Variants in TYR observed in about 807,000 individuals in gnomAD.
TYR encodes the protein LB24-AB.
In TYR, 58 loss-of-function variants were observed where a neutral mutation model predicts 51.5. The observed-to-expected ratio is 1.13, with a 90% confidence interval of 0.91 to 1.40. The LOEUF (loss-of-function observed/expected upper bound fraction) is 1.40, where lower values mean the gene tolerates loss of function less well. Among genes scored for constraint, TYR ranks in the 40% most tolerant of loss-of-function variants. TYR has a pLI of 0.00. For synonymous variants in TYR, 263 were observed against 235.2 expected, an observed-to-expected ratio of 1.12 and a Z score of -1.08; for missense variants, 732 against 647.4, an observed-to-expected ratio of 1.13 and a Z score of -1.42.
At chr11:89,270,650 T>C (rs1223408431) in intron 3 of TYR, among the ~76,000 whole-genome samples, 1 of 151,840 alleles carries the variant, frequency 6.6e-6, no homozygotes, top group Non-Finnish European at 1.5e-5. Flanking sequence ...AAACACTAAA[T>C]TAGTGATTCA....
In TYR at chr11:89,210,647, C is replaced by A. The variant is rs530919157; in HGVS notation, c.1037-17176C>A. 1.3e-4 allele frequency among the ~76,000 whole-genome samples: 20 copies of A among 152,200 alleles called. 1 individual carries two copies. Among genetic ancestry groups the A allele is most frequent in the African/African-American group, 4.8e-4 (20 of 41,520 alleles). On this transcript the variant is annotated intron_variant, in intron 2 of 4. Transcript: ENST00000263321. ...TAAAGATACTCCTCGAGAAGAGCAA[C>A]CCCAAGACACATAATTGTCAGATTC... is the stretch of plus-strand genomic sequence containing the variant.
intron 3 of TYR, among the ~76,000 whole-genome samples, chr11:89,229,448 G>A (rs1944015681): frequency 6.6e-6 from 1 of 151,758 alleles, no homozygotes; most frequent in Non-Finnish European, 1.5e-5. Flanking sequence ...TAAATTTTTT[G>A]CCATTTTTAA....
intron 2 of TYR, among the ~76,000 whole-genome samples, chr11:89,220,272 A>G (rs1182259853): frequency 1.3e-5 from 2 of 152,316 alleles, no homozygotes. Context: ...CACGCACATT[A>G]TATCGCCAGA....
At chr11:89,244,479 T>C (rs1590874911) in intron 3 of TYR, among the ~76,000 whole-genome samples, 1 of 152,218 alleles carries the variant, frequency 6.6e-6, no homozygotes, top group East Asian at 1.9e-4. Context: ...CTCCTTTTGG[T>C]AATTCTCTGC....
intron 2 of TYR, among the ~76,000 whole-genome samples, chr11:89,208,039 C>CGGG (rs534229044): frequency 8.5e-5 from 13 of 152,082 alleles, no homozygotes; most frequent in African/African-American, 2.9e-4. Context: ...GAGGCCAAGG[C>CGGG]GGGGGGATCA....
At chr11:89,288,092 G>GTTA (rs1944813047) in intron 4 of TYR, among the ~76,000 whole-genome samples, 2 of 151,890 alleles carry the variant, frequency 1.3e-5, no homozygotes, top group Admixed American at 6.6e-5. Flanking sequence ...GTGAAATGAA[G>GTTA]TTATATGGGA....
At chr11:89,279,538 C>A (rs1051537224) in intron 3 of TYR, among the ~76,000 whole-genome samples, 3 of 151,638 alleles carry the variant, frequency 2.0e-5, no homozygotes, top group African/African-American at 2.4e-5. Flanking sequence ...ATAAAATAAA[C>A]AATTTTCCCT....
chr11:89,250,911 C>A (rs373596975), intron 3 of TYR, among the ~76,000 whole-genome samples: 1,586 of 151,816 alleles, frequency 0.01, 23 homozygotes, highest in African/African-American at 0.034. Context: ...ACAGACTTGA[C>A]GTTGAAAATG....
At chr11:89,224,493 A>G (rs974360606) in intron 2 of TYR, among the ~76,000 whole-genome samples, 6 of 152,196 alleles carry the variant, frequency 3.9e-5, no homozygotes, top group African/African-American at 7.2e-5. Context: ...TGGCATAGAT[A>G]CACTACTGCA....
chr11:89,191,488 A>C, intron 2 of TYR, 70 bp downstream of exon 2: 1 of 1,469,470 alleles, frequency 6.8e-7, no homozygotes. Context: ...CCAAAGTCCT[A>C]GGAGGTATTT....
At chr11:89,213,002 T>A (rs1250977826) in intron 2 of TYR, among the ~76,000 whole-genome samples, 1 of 152,152 alleles carries the variant, frequency 6.6e-6, no homozygotes, top group African/African-American at 2.4e-5. Context: ...GGGCAAAAAC[T>A]GGAAGCATTC....
intron 1 of TYR, among the ~76,000 whole-genome samples, chr11:89,186,490 C>T (rs941893025): frequency 6.6e-6 from 1 of 152,130 alleles, no homozygotes; most frequent in Non-Finnish European, 1.5e-5. Flanking sequence ...TCCACCTCCT[C>T]ACCCTCTGCC....
At position 89,191,533 on chromosome 11, in the gene TYR, T is replaced by A; in HGVS notation, c.1036+115T>A. The A allele has an allele frequency of 3.0e-6, 3 of 984,152 alleles. No individual in the cohort carries two copies. The South Asian group carries it at 4.2e-5, about 14-fold the overall frequency. 61.0% of individuals were successfully genotyped at this position (984,152 alleles called of 1,614,324 possible). On this transcript the variant is annotated intron_variant, in intron 2 of 4. Transcript: ENST00000263321. ...GAATTTTCTGAGTTGACCAAGAATATGTGTTGTATATACTTATATCGACAA... is the reference window on the plus strand; with the variant it reads ...GAATTTTCTGAGTTGACCAAGAATAAGTGTTGTATATACTTATATCGACAA...
intron 2 of TYR, chr11:89,192,167 A>T (rs779567900): frequency 5.2e-6 from 1 of 191,526 alleles, no homozygotes; most frequent in South Asian, 7.7e-5. Context: ...TTTATCCTAC[A>T]AATGTTTTCA....
At chr11:89,198,227 CA>C (rs142581241) in intron 2 of TYR, among the ~76,000 whole-genome samples, 3 of 149,302 alleles carry the variant, frequency 2.0e-5, no homozygotes, top group East Asian at 2.0e-4. Context: ...ACAACAACAA[CA>C]AAAAAAAAGG....
At chr11:89,232,085 AT>A (rs1944058164) in intron 3 of TYR, among the ~76,000 whole-genome samples, 1 of 143,486 alleles carries the variant, frequency 7.0e-6, no homozygotes, top group Admixed American at 6.9e-5. Context: ...AAGAAAGTAG[AT>A]TTTAACTGTT....
At chr11:89,219,482 A>G (rs935043510) in intron 2 of TYR, among the ~76,000 whole-genome samples, 1 of 151,908 alleles carries the variant, frequency 6.6e-6, no homozygotes, top group African/African-American at 2.4e-5. Context: ...TTTTTAGTAG[A>G]GACACCATGT....
At chr11:89,258,798 T>A (rs1279357235) in intron 3 of TYR, among the ~76,000 whole-genome samples, 1 of 152,098 alleles carries the variant, frequency 6.6e-6, no homozygotes. Context: ...ATTCCCACTA[T>A]ACAGGGTCAA....
At chr11:89,290,122 A>T (rs1323844178) in intron 4 of TYR, among the ~76,000 whole-genome samples, 2 of 152,106 alleles carry the variant, frequency 1.3e-5, no homozygotes, top group East Asian at 3.9e-4. Context: ...AAAAATCTAC[A>T]TAATTATTCT....
Sources: gnomAD v4.1 joint callset for allele counts (sites outside exome capture counted in the v4.1 genomes callset) on GRCh38, gnomAD v4.1.1 for gene constraint, MANE v1.5 for transcripts, NCBI Gene and HGNC (gene_info 2026-07-23, HGNC 2026-07-21) for gene names.